Variants in PXYLP1 observed in about 807,000 individuals in gnomAD.
PXYLP1 encodes 2-phosphoxylose phosphatase 1.
Under a neutral mutation model 37.9 loss-of-function variants are expected in PXYLP1, and 17 were observed. That is an observed-to-expected ratio of 0.45 (90% CI 0.31 to 0.67). PXYLP1 has a LOEUF of 0.67. Among genes scored for constraint, PXYLP1 ranks in the 30% least tolerant of loss-of-function variants. The probability of loss-of-function intolerance (pLI) is 0.07; values close to 1 mark genes in which losing one functional copy is unlikely to be tolerated. For synonymous variants in PXYLP1, 221 were observed against 232.2 expected (o/e 0.95, Z 0.44); for missense variants, 511 against 612.0 (o/e 0.84, Z 1.74).
intron 1 of PXYLP1, among the ~76,000 whole-genome samples, chr3:141,233,553 C>A (rs1940586678): frequency 6.6e-6 from 1 of 151,626 alleles, no homozygotes; most frequent in Admixed American, 6.6e-5. Flanking sequence ...TGAATCTGCC[C>A]CATCCCTTCT....
chr3:141,279,041 G>C (rs1941876903), intron 3 of PXYLP1, among the ~76,000 whole-genome samples: 2 of 152,350 alleles, frequency 1.3e-5, no homozygotes, highest in African/African-American at 4.8e-5. Context: ...ATTGTTTCTA[G>C]TATTTCCGTG....
intron 4 of PXYLP1, among the ~76,000 whole-genome samples, chr3:141,284,720 G>C (rs913354928): frequency 1.3e-5 from 2 of 152,116 alleles, no homozygotes; most frequent in Non-Finnish European, 2.9e-5. Context: ...GTTGTTATTT[G>C]TATTATTTTT....
intron 2 of PXYLP1, chr3:141,273,189 A>T: frequency 1.0e-6 from 1 of 985,386 alleles, no homozygotes; most frequent in Non-Finnish European, 1.2e-6. Flanking sequence ...GTGAGGGCAG[A>T]GACCTTGTCC....
Position 141,248,545 on chromosome 3 carries a change from G to A in PXYLP1, c.-53-11578G>A, listed in dbSNP as rs566288175. Reference sequence around the variant, plus strand: ...CACACACGTATATATATACACACACGTATATATACACACGTGTATATATAT... The same window carrying A: ...CACACACGTATATATATACACACACATATATATACACACGTGTATATATAT... On this transcript the variant is annotated intron_variant, in intron 1 of 5. Coordinates refer to ENST00000286353, the MANE Select transcript of PXYLP1 (RefSeq NM_001037172.3). Among the ~76,000 whole-genome samples the A allele has an allele frequency of 5.2e-4, 74 of 141,696 alleles. 2 individuals carry two copies. The highest frequency in any genetic ancestry group is 9.0e-4 in the South Asian group (4 of 4,456). 93.0% of individuals were successfully genotyped at this position (141,696 alleles called of 152,430 possible).
At chr3:141,284,912 A>G (rs1942035570) in intron 4 of PXYLP1, among the ~76,000 whole-genome samples, 1 of 152,112 alleles carries the variant, frequency 6.6e-6, no homozygotes, top group Non-Finnish European at 1.5e-5. Flanking sequence ...AAGGCTTGCT[A>G]TTTTCATGAA....
At chr3:141,233,539 T>C (rs953801334) in intron 1 of PXYLP1, among the ~76,000 whole-genome samples, 3 of 149,130 alleles carry the variant, frequency 2.0e-5, no homozygotes, top group African/African-American at 7.5e-5. Context: ...TGAAAGCCAG[T>C]GTATGAATCT....
At chr3:141,288,803 G>A (rs1187571592) in intron 5 of PXYLP1, among the ~76,000 whole-genome samples, 2 of 152,178 alleles carry the variant, frequency 1.3e-5, no homozygotes, top group African/African-American at 4.8e-5. Context: ...GGCTGAGGCG[G>A]GAGGACCACT....
At chr3:141,248,478 G>A (rs1941018265) in intron 1 of PXYLP1, among the ~76,000 whole-genome samples, 1 of 147,646 alleles carries the variant, frequency 6.8e-6, no homozygotes, top group Non-Finnish European at 1.5e-5. Context: ...GTGCAAAGGA[G>A]CAATATGTGT....
At chr3:141,247,096 G>C (rs1342970717) in intron 1 of PXYLP1, among the ~76,000 whole-genome samples, 19 of 152,206 alleles carry the variant, frequency 1.2e-4, no homozygotes, top group Non-Finnish European at 2.8e-4. Context: ...TCATTCTTGG[G>C]GAGCAGGAGT....
chr3:141,286,265 A>G (rs946007485), intron 4 of PXYLP1, among the ~76,000 whole-genome samples: 3 of 152,254 alleles, frequency 2.0e-5, no homozygotes, highest in Non-Finnish European at 4.4e-5. Context: ...AAGATTTACC[A>G]CATATACTTT....
intron 2 of PXYLP1, among the ~76,000 whole-genome samples, chr3:141,266,522 G>T (rs543254831): frequency 3.3e-5 from 5 of 152,252 alleles, no homozygotes; most frequent in African/African-American, 1.2e-4. Context: ...GCAGCAGCCA[G>T]GGGGTGGACT....
rs895597879 is a variant in PXYLP1, at chr3:141,287,208, G to T, written c.366-106G>T. 25 of 1,187,098 alleles carry T rather than the reference G, an allele frequency of 2.1e-5. No individual in the cohort carries two copies. In the Admixed American group the frequency reaches 5.2e-4, roughly 25 times the overall value. 73.5% of individuals were successfully genotyped at this position (1,187,098 alleles called of 1,614,324 possible). ...GATTGAGCCGGTACCTGTTACTGTG[G>T]GTGCAAAAGGCTGCGATACACGTGG... On this transcript the variant is annotated intron_variant, in intron 4 of 5. Coordinates refer to ENST00000286353, the MANE Select transcript of PXYLP1 (RefSeq NM_001037172.3).
intron 5 of PXYLP1, among the ~76,000 whole-genome samples, chr3:141,288,991 A>G (rs1942139435): frequency 6.6e-6 from 1 of 152,214 alleles, no homozygotes; most frequent in South Asian, 2.1e-4. Flanking sequence ...AAAAGAAACT[A>G]ATTTACTACC....
chr3:141,273,071 G>A, intron 2 of PXYLP1: 3 of 985,402 alleles, frequency 3.0e-6, no homozygotes, highest in Non-Finnish European at 3.6e-6. Flanking sequence ...GTGAGTGCAG[G>A]GGGCCCCGTG....
chr3:141,270,383 G>A (rs1237371789), intron 2 of PXYLP1, among the ~76,000 whole-genome samples: 9 of 152,328 alleles, frequency 5.9e-5, no homozygotes, highest in Non-Finnish European at 1.0e-4. Context: ...AAAAGCAGAC[G>A]ATGAGAGGCA....
At chr3:141,289,036 C>T (rs1942140320) in intron 5 of PXYLP1, among the ~76,000 whole-genome samples, 1 of 152,222 alleles carries the variant, frequency 6.6e-6, no homozygotes, top group Admixed American at 6.5e-5. Flanking sequence ...TGCTTAAGAA[C>T]AGCTACACTA....
chr3:141,260,325 C>A, intron 2 of PXYLP1, 71 bp downstream of exon 2: 2 of 1,534,474 alleles, frequency 1.3e-6, no homozygotes, highest in Non-Finnish European at 1.8e-6. Flanking sequence ...GCCCCAAAGG[C>A]TTGTTTTATA....
At chr3:141,289,746 C>T (rs963274744) in intron 5 of PXYLP1, among the ~76,000 whole-genome samples, 1 of 152,120 alleles carries the variant, frequency 6.6e-6, no homozygotes, top group Admixed American at 6.5e-5. Flanking sequence ...AATCCAAATT[C>T]TTGAGAGAGG....
intron 2 of PXYLP1, chr3:141,273,031 T>C: frequency 1.0e-6 from 1 of 985,470 alleles, no homozygotes; most frequent in Non-Finnish European, 1.2e-6. Flanking sequence ...CTGCATCGTT[T>C]CCATACCTGC....
Sources: allele counts gnomAD v4.1 joint callset (sites outside exome capture counted in the v4.1 genomes callset), GRCh38; gene constraint gnomAD v4.1.1; transcripts MANE v1.5; gene names NCBI Gene and HGNC (gene_info 2026-07-23, HGNC 2026-07-21).